RAB1A: variants seen among roughly 807,000 people sequenced by gnomAD.
RAB1A encodes the protein ras-related protein Rab-1A.
RAB1A carries 2 observed loss-of-function variants against 26.0 expected under a neutral mutation model. The ratio of observed to expected loss-of-function variants is 0.08; its 90% CI spans 0.03 to 0.24. The LOEUF is 0.24. RAB1A is among the 10% of genes least tolerant of loss of function. The pLI is 1.00. For missense variants in RAB1A, 100 were observed against 247.0 expected, an observed-to-expected ratio of 0.40 and a Z score of 3.99; for synonymous variants, 84 against 84.9, an observed-to-expected ratio of 0.99 and a Z score of 0.06.
At chr2:65,096,580 A>T (rs559682736) in intron 3 of RAB1A, among the ~76,000 whole-genome samples, 26 of 152,330 alleles carry the variant, frequency 1.7e-4, no homozygotes, top group African/African-American at 6.3e-4. Context: ...TGTGCTCTTT[A>T]TGGTGCCAAA....
intron 3 of RAB1A, 91 bp from the exon 4 acceptor site, chr2:65,091,169 T>C: frequency 1.1e-6 from 1 of 949,886 alleles, no homozygotes; most frequent in Non-Finnish European, 1.6e-6. Context: ...TTAGTTTTCA[T>C]AACTGTGGAG....
At position 65,088,330 on chromosome 2, in the gene RAB1A, TAA is replaced by T. The variant is rs1185657876; in HGVS notation, c.*161_*162del. 5.3e-6 allele frequency: 3 copies of T among 566,234 alleles called. No homozygotes were observed. Among genetic ancestry groups the T allele is most frequent in the South Asian group, 2.7e-5 (1 of 36,862 alleles). The allele number at this position is 566,234 out of a possible 1,614,324, so 35.1% of individuals were successfully genotyped here. On this transcript the variant is annotated 3_prime_UTR_variant, in exon 6 of 6. Transcript: ENST00000409784. ...AGTTAGCTGTCTTGAGTCAAGGGAA[TAA>T]AAAAAAAGTCAGTATTGACCATTTA... is the stretch of plus-strand genomic sequence containing the variant.
intron 3 of RAB1A, among the ~76,000 whole-genome samples, chr2:65,092,668 G>C (rs989719969): frequency 2.6e-5 from 4 of 152,186 alleles, no homozygotes; most frequent in Non-Finnish European, 5.9e-5. Context: ...ATCCAAAATG[G>C]AGGTATTGCT....
At position 65,123,683 on chromosome 2, in the gene RAB1A, G is replaced by A. The variant is rs144620010; in HGVS notation, c.23+6210C>T. 5.7e-3 allele frequency among the ~76,000 whole-genome samples: 860 copies of A among 151,890 alleles called. 9 individuals carry two copies. The highest frequency in any genetic ancestry group is 0.02 in the African/African-American group (816 of 41,424). On this transcript the variant is annotated intron_variant, in intron 1 of 5. Transcript: ENST00000409784. ...TCTACTAAAACTACAAAAATTAGCC[G>A]GGTGTGGTGGCACACACCTGTACTC... is the stretch of plus-strand genomic sequence containing the variant.
chr2:65,129,806 C>G, intron 1 of RAB1A, 87 bp downstream of exon 1: 1 of 1,546,708 alleles, frequency 6.5e-7, no homozygotes, highest in Non-Finnish European at 8.8e-7. Context: ...GCCGATGCCC[C>G]GACTTCTGCC....
At chr2:65,089,652 G>A (rs1357590213) in intron 4 of RAB1A, among the ~76,000 whole-genome samples, 1 of 151,428 alleles carries the variant, frequency 6.6e-6, no homozygotes, top group Non-Finnish European at 1.5e-5. Context: ...CAACTGCTTT[G>A]GAATATGCAA....
intron 1 of RAB1A, among the ~76,000 whole-genome samples, chr2:65,110,237 C>T (rs993905214): frequency 6.6e-6 from 1 of 151,808 alleles, no homozygotes; most frequent in Non-Finnish European, 1.5e-5. Flanking sequence ...GTCAGGAGAT[C>T]GAGACCATCC....
chr2:65,090,861 A>C (rs1422304496), intron 4 of RAB1A, 122 bp downstream of exon 4: 2 of 523,364 alleles, frequency 3.8e-6, no homozygotes, highest in Non-Finnish European at 3.2e-6. Flanking sequence ...GAGAGTGGAC[A>C]AAGTTTTCTG....
At chr2:65,099,658 G>C (rs1468243999) in intron 2 of RAB1A, among the ~76,000 whole-genome samples, 2 of 152,184 alleles carry the variant, frequency 1.3e-5, no homozygotes, top group Non-Finnish European at 2.9e-5. Context: ...ACAGGGTCTT[G>C]ATGTCTCCCA....
intron 1 of RAB1A, among the ~76,000 whole-genome samples, chr2:65,115,019 C>T (rs1669793156): frequency 6.6e-6 from 1 of 152,196 alleles, no homozygotes; most frequent in African/African-American, 2.4e-5. Context: ...CCCCTTCTTG[C>T]TCTCTGTCTT....
chr2:65,125,864 CTTTT>C (rs55930968), intron 1 of RAB1A, among the ~76,000 whole-genome samples: 391 of 74,662 alleles, frequency 5.2e-3, no homozygotes, highest in African/African-American at 0.019. Flanking sequence ...TTTCAATTGC[CTTTT>C]TTTTTTTTTT....
rs1669069540 is a variant in RAB1A at position 65,087,762 on chromosome 2, A to G, written c.*731T>C. 6.5e-6 allele frequency: 1 copy of G among 152,696 alleles called. No individual in the cohort carries two copies. Among genetic ancestry groups the G allele is most frequent in the Non-Finnish European group, 1.5e-5 (1 of 68,058 alleles). 9.5% of individuals were successfully genotyped at this position (152,696 alleles called of 1,614,324 possible). On this transcript the variant is annotated 3_prime_UTR_variant, in exon 6 of 6. Coordinates refer to ENST00000409784, the MANE Select transcript of RAB1A (RefSeq NM_004161.5). ...CTGGATGCTGCTCTAAGATAGGTCT[A>G]GAATACCTTAGTTTGCATTGTGCAC...
At chr2:65,124,880 T>C (rs981555856) in intron 1 of RAB1A, among the ~76,000 whole-genome samples, 4 of 152,196 alleles carry the variant, frequency 2.6e-5, no homozygotes, top group African/African-American at 4.8e-5. Context: ...CAGATGGTGA[T>C]ATTCTATAGA....
chr2:65,095,662 C>G (rs1413996123), intron 3 of RAB1A, among the ~76,000 whole-genome samples: 1 of 151,594 alleles, frequency 6.6e-6, no homozygotes, highest in Non-Finnish European at 1.5e-5. Flanking sequence ...ACATGCCTAG[C>G]TGAAGTTATG....
chr2:65,101,221 G>A (rs536864834), intron 2 of RAB1A, among the ~76,000 whole-genome samples: 27 of 151,616 alleles, frequency 1.8e-4, no homozygotes, highest in Non-Finnish European at 2.8e-4. Flanking sequence ...TGCCTGAGCC[G>A]TTACTATTCG....
rs375754774 is a variant in RAB1A, at chr2:65,090,973, T to C, written c.288+10A>G. The C allele has an allele frequency of 8.3e-5, 132 of 1,586,062 alleles. No individual in the cohort carries two copies. The African/African-American group carries it at 1.6e-3, about 19-fold the overall frequency. On this transcript the variant is annotated intron_variant, in intron 4 of 5. Transcript: ENST00000409784. ...TGGTCACTGTAACACAATCTCCTCT[T>C]GGAACTTACCTGATCTGTCACATCA...
chr2:65,089,987 G>A (rs1669134310), intron 4 of RAB1A, among the ~76,000 whole-genome samples: 1 of 152,246 alleles, frequency 6.6e-6, no homozygotes, highest in Admixed American at 6.5e-5. Context: ...ACAGGCGTGA[G>A]CCACTGCGCC....
At chr2:65,098,120 A>G (rs1480791656) in intron 2 of RAB1A, 54 bp from the exon 3 acceptor site, 18 of 1,051,072 alleles carry the variant, frequency 1.7e-5, no homozygotes, top group Admixed American at 3.5e-5. Context: ...AGCAGATGCA[A>G]GTCTAAGTGG....
chr2:65,129,861 G>A (rs1670197365), intron 1 of RAB1A, 32 bp downstream of exon 1: 2 of 1,587,144 alleles, frequency 1.3e-6, no homozygotes, highest in Non-Finnish European at 1.7e-6. Context: ...CTGGCCCACG[G>A]ACCCAGCCGA....
Sources: gnomAD v4.1 joint callset for allele counts (sites outside exome capture counted in the v4.1 genomes callset) on GRCh38, gnomAD v4.1.1 for gene constraint, MANE v1.5 for transcripts, NCBI Gene and HGNC (gene_info 2026-07-23, HGNC 2026-07-21) for gene names.